The following NLRC4 variants were observed in gnomAD, a reference collection of about 807,000 sequenced individuals.
NLRC4 encodes the protein NLR family CARD domain-containing protein 4.
Under a neutral mutation model 79.9 loss-of-function variants are expected in NLRC4, and 63 were observed. The ratio of observed to expected loss-of-function variants is 0.79; its 90% confidence interval spans 0.64 to 0.97. NLRC4 has a LOEUF of 0.97. Among genes scored for constraint, NLRC4 ranks in the 50% least tolerant of loss-of-function variants. The pLI, the probability that NLRC4 is intolerant of heterozygous loss-of-function variation, is 0.00. For synonymous variants in NLRC4, 461 were observed against 456.5 expected (o/e 1.01, Z -0.12); for missense variants, 1,074 against 1,215.2 (o/e 0.88, Z 1.73).
intron 4 of NLRC4, among the ~76,000 whole-genome samples, chr2:32,244,835 A>T (rs1277486104): frequency 1.4e-5 from 2 of 140,474 alleles, no homozygotes; most frequent in African/African-American, 5.2e-5. Context: ...GAGGAGGAGG[A>T]GGAGGAGAGG....
chr2:32,251,676 CG>C, intron 3 of NLRC4, 75 bp from the exon 4 acceptor site: 19 of 999,798 alleles, frequency 1.9e-5, no homozygotes, highest in Non-Finnish European at 2.7e-5. Flanking sequence ...GGAGGATGAA[CG>C]GGGGGGTGAG....
intron 4 of NLRC4, among the ~76,000 whole-genome samples, chr2:32,243,687 A>G (rs1021358177): frequency 3.3e-5 from 5 of 150,918 alleles, no homozygotes; most frequent in African/African-American, 4.9e-5. Context: ...AGTCCCAGCT[A>G]CTTGGGAGGC....
chr2:32,228,064 TA>T (rs772023552), intron 8 of NLRC4, among the ~76,000 whole-genome samples: 6 of 152,216 alleles, frequency 3.9e-5, no homozygotes, highest in Non-Finnish European at 8.8e-5. Flanking sequence ...TTAGTGCTAC[TA>T]TGTGCTGCGG....
At chr2:32,237,228 GA>G (rs1260422876) in intron 6 of NLRC4, among the ~76,000 whole-genome samples, 1 of 152,108 alleles carries the variant, frequency 6.6e-6, no homozygotes, top group East Asian at 1.9e-4. Flanking sequence ...AGTTTTTCAT[GA>G]ATATGTACTC....
chr2:32,243,629 G>T (rs995897415), intron 4 of NLRC4, among the ~76,000 whole-genome samples: 1 of 150,596 alleles, frequency 6.6e-6, no homozygotes, highest in Non-Finnish European at 1.5e-5. Context: ...GTGAAACCCT[G>T]TCTCTACTAA....
chr2:32,242,424 A>AT (rs1271299577), intron 4 of NLRC4, among the ~76,000 whole-genome samples: 1 of 152,206 alleles, frequency 6.6e-6, no homozygotes, highest in Non-Finnish European at 1.5e-5. Context: ...AAATTGACCA[A>AT]TTTTTTGAAA....
chr2:32,256,784 A>G lies in NLRC4; in HGVS notation c.-9T>C, dbSNP rs1687216809. 2 of 780,870 alleles carry G rather than the reference A, an allele frequency of 2.6e-6. No individual in the cohort carries two copies. Among genetic ancestry groups the G allele is most frequent in the South Asian group, 1.3e-5 (1 of 74,614 alleles). The allele number at this position is 780,870 out of a possible 1,614,324, so 48.4% of individuals were successfully genotyped here. ...TTTCTCATATACTTACTTGTTCTGGATGAAAGCTTCCCACCTTTCTATAAC... is the reference window on the plus strand; with the variant it reads ...TTTCTCATATACTTACTTGTTCTGGGTGAAAGCTTCCCACCTTTCTATAAC... On this transcript the variant is annotated 5_prime_UTR_variant, in exon 2 of 9. Transcript: ENST00000402280.
intron 4 of NLRC4, among the ~76,000 whole-genome samples, chr2:32,246,863 A>G (rs747902594): frequency 5.3e-5 from 8 of 152,086 alleles, no homozygotes; most frequent in Non-Finnish European, 8.8e-5. Flanking sequence ...CAGCCTGAAA[A>G]TTCCTGGGCT....
At chr2:32,255,653 C>T (rs930431331) in intron 2 of NLRC4, among the ~76,000 whole-genome samples, 1 of 151,816 alleles carries the variant, frequency 6.6e-6, no homozygotes, top group Non-Finnish European at 1.5e-5. Context: ...ATTTAAAATA[C>T]TCTAATTATT....
Position 32,235,500 on chromosome 2 carries a change from T to A in NLRC4, c.2683A>T (p.Ser895Cys). ...AAATGTTTCAACAGGCTGCTCAGGCTGCCTTGCACGTCACAGCCCCAGGGC... is the reference window on the plus strand; with the variant it reads ...AAATGTTTCAACAGGCTGCTCAGGCAGCCTTGCACGTCACAGCCCCAGGGC... ...MLPWGCDVQG[S>C]LSSLLKHLEE... The change falls in exon 8 of 9, where the codon AGC becomes TGC. Residue 895 changes from serine to cysteine, a missense_variant. Transcript: ENST00000402280. 1 of 1,614,096 alleles carries A rather than the reference T, an allele frequency of 6.2e-7. No individual in the cohort carries two copies. The highest frequency in any genetic ancestry group is 8.5e-7 in the Non-Finnish European group (1 of 1,179,902).
chr2:32,226,976 G>T (rs141599854), intron 8 of NLRC4, among the ~76,000 whole-genome samples: 1 of 152,070 alleles, frequency 6.6e-6, no homozygotes, highest in African/African-American at 2.4e-5. Flanking sequence ...TCGGCATATG[G>T]CCACTCATAT....
intron 8 of NLRC4, among the ~76,000 whole-genome samples, chr2:32,232,014 G>A (rs1191643649): frequency 2.6e-5 from 4 of 152,092 alleles, no homozygotes; most frequent in Non-Finnish European, 5.9e-5. Context: ...AAGGAATACT[G>A]GTCAGTTTTG....
At chr2:32,224,833 T>C in intron 8 of NLRC4, 68 bp from the exon 9 acceptor site, 2 of 909,620 alleles carry the variant, frequency 2.2e-6, no homozygotes, top group South Asian at 3.8e-5. Flanking sequence ...AAATAGGTTC[T>C]ACATTTATTT....
Position 32,251,508 on chromosome 2 carries a change from G to T in NLRC4, c.356C>A (p.Pro119His). The change falls in exon 4 of 9, where the codon CCC becomes CAC. Residue 119 changes from proline to histidine, a missense_variant. Physicochemically the swap from Pro to His is moderately conservative, Grantham distance 77. Transcript: ENST00000402280. ...AATAATGTCAATATCTTCACCAAGG[G>T]GATAAAAGTTCAGAAAAGATGGGGT... ...YHTPSFLNFY[P>H]LGEDIDIIFN... 1.2e-6 allele frequency: 2 copies of T among 1,613,894 alleles called. No individual in the cohort carries two copies. The highest frequency in any genetic ancestry group is 2.2e-5 in the East Asian group (1 of 44,882).
chr2:32,233,195 A>T (rs1176340778), intron 8 of NLRC4, among the ~76,000 whole-genome samples: 1 of 52,840 alleles, frequency 1.9e-5, no homozygotes, highest in Non-Finnish European at 3.3e-5. Context: ...GAAGGAAGGA[A>T]GGGAGGGAGG....
intron 8 of NLRC4, among the ~76,000 whole-genome samples, chr2:32,230,294 A>C (rs1686500110): frequency 6.6e-6 from 1 of 152,184 alleles, no homozygotes; most frequent in African/African-American, 2.4e-5. Flanking sequence ...GAAACACAGT[A>C]AGATTGCCAG....
At chr2:32,258,207 T>C (rs905043090) in intron 1 of NLRC4, among the ~76,000 whole-genome samples, 2 of 152,208 alleles carry the variant, frequency 1.3e-5, no homozygotes, top group African/African-American at 4.8e-5. Context: ...GTGGATGGCC[T>C]GCTGGCGTGC....
intron 8 of NLRC4, among the ~76,000 whole-genome samples, chr2:32,234,030 T>G (rs1252857573): frequency 3.9e-5 from 6 of 152,180 alleles, no homozygotes; most frequent in Non-Finnish European, 5.9e-5. Context: ...ATGGATGTTG[T>G]GATAGTGGCA....
In NLRC4 at chr2:32,245,214, G is replaced by C. The variant is rs113205777; in HGVS notation, c.2258-4089C>G. ...TAATCCCAGCTACTCAGGAGGCTGA[G>C]GTAAGAGAATCACTTGAACCTGGGA... On this transcript the variant is annotated intron_variant, in intron 4 of 8. Coordinates refer to ENST00000402280, the MANE Select transcript of NLRC4 (RefSeq NM_001199138.2). 6.6e-3 allele frequency among the ~76,000 whole-genome samples: 1,000 copies of C among 150,872 alleles called. 16 individuals are homozygous for C. The highest frequency in any genetic ancestry group is 0.024 in the African/African-American group (964 of 40,962).
Sources: allele counts gnomAD v4.1 joint callset (sites outside exome capture counted in the v4.1 genomes callset), GRCh38; gene constraint gnomAD v4.1.1; transcripts MANE v1.5; gene names NCBI Gene and HGNC (gene_info 2026-07-23, HGNC 2026-07-21).